NEK7: variants seen among roughly 807,000 people sequenced by gnomAD.
NEK7 encodes the protein serine/threonine-protein kinase Nek7.
A neutral mutation model predicts 44.6 loss-of-function variants in NEK7; 18 were observed. The observed-to-expected ratio is 0.40, with a 90% CI of 0.28 to 0.60. The LOEUF (loss-of-function observed/expected upper bound fraction) is 0.60, where lower values mean the gene tolerates loss of function less well. Ranked by LOEUF, NEK7 falls within the 20% of genes least tolerant of loss-of-function variation. NEK7 has a pLI of 0.38. For synonymous variants in NEK7, 130 were observed against 121.1 expected (o/e 1.07, Z -0.48); for missense variants, 256 against 366.5 (o/e 0.70, Z 2.46).
chr1:198,159,483 G>C lies in NEK7; in HGVS notation c.-29+2207G>C, dbSNP rs899025183. ...ATGTGACTGAGGCGGGTTTTACTCTGAAATTACCTGAAAATGAAAACCACT... is the reference window on the plus strand; with the variant it reads ...ATGTGACTGAGGCGGGTTTTACTCTCAAATTACCTGAAAATGAAAACCACT... On this transcript the variant is annotated intron_variant, in intron 1 of 9. Coordinates refer to ENST00000367385, the MANE Select transcript of NEK7 (RefSeq NM_133494.3). Among the ~76,000 whole-genome samples the C allele has an allele frequency of 5.1e-4, 77 of 152,300 alleles. 2 individuals are homozygous for C. The highest frequency in any genetic ancestry group is 4.7e-3 in the Admixed American group (72 of 15,304).
chr1:198,191,091 G>T (rs377076976), intron 1 of NEK7, among the ~76,000 whole-genome samples: 1 of 151,900 alleles, frequency 6.6e-6, no homozygotes, highest in South Asian at 2.1e-4. Flanking sequence ...ACACATCAAG[G>T]GGTCCTAGGC....
In NEK7 at chr1:198,319,621, A is replaced by G; in HGVS notation, c.*99A>G. The G allele has an allele frequency of 1.5e-6, 2 of 1,348,410 alleles. No individual in the cohort carries two copies. The highest frequency in any genetic ancestry group is 1.9e-6 in the Non-Finnish European group (2 of 1,038,798). The allele number at this position is 1,348,410 out of a possible 1,614,324, so 83.5% of individuals were successfully genotyped here. On this transcript the variant is annotated 3_prime_UTR_variant, in exon 10 of 10. Coordinates refer to ENST00000367385, the MANE Select transcript of NEK7 (RefSeq NM_133494.3). ...TCTGGTGTTAAGATTAATATTTCAG[A>G]GCTAGTGTGCTTTGAATCCTTAACC...
At position 198,222,094 on chromosome 1, in the gene NEK7, T is replaced by G. The variant is rs141974558; in HGVS notation, c.-28-10459T>G. ...TCTTAAAACTAAATGGTTCTGTCAT[T>G]TAATTAGCGCTTGTGTCTGATATTC... On this transcript the variant is annotated intron_variant, in intron 1 of 9. Coordinates refer to ENST00000367385, the MANE Select transcript of NEK7 (RefSeq NM_133494.3). Among the ~76,000 whole-genome samples the G allele has an allele frequency of 1.1e-3, 174 of 152,148 alleles. 1 individual carries two copies. Among genetic ancestry groups the G allele is most frequent in the Middle Eastern group, 6.8e-3 (2 of 294 alleles).
intron 3 of NEK7, 71 bp downstream of exon 3, chr1:198,253,251 C>A: frequency 9.7e-7 from 1 of 1,031,336 alleles, no homozygotes; most frequent in Non-Finnish European, 1.4e-6. Context: ...AAAAGTATAT[C>A]CTGAATGATT....
Position 198,210,727 on chromosome 1 carries a change from T to C in NEK7, c.-28-21826T>C, listed in dbSNP as rs1428569961. 2.7e-5 allele frequency among the ~76,000 whole-genome samples: 4 copies of C among 148,936 alleles called. No homozygotes were observed. In the East Asian group the frequency reaches 5.9e-4, roughly 22 times the overall value. On this transcript the variant is annotated intron_variant, in intron 1 of 9. Transcript: ENST00000367385. Reference sequence around the variant, plus strand: ...CAACTGTATTATATGTCATTGTCCCTTCAATTTGTATTTCTTTTTTTTTTT... The same window carrying C: ...CAACTGTATTATATGTCATTGTCCCCTCAATTTGTATTTCTTTTTTTTTTT...
intron 1 of NEK7, among the ~76,000 whole-genome samples, chr1:198,177,604 A>C (rs376290930): frequency 1.9e-4 from 29 of 152,254 alleles, no homozygotes; most frequent in African/African-American, 6.0e-4. Context: ...AGCAAGACTA[A>C]ATACTTGTTT....
At chr1:198,190,194 C>T (rs142408326) in intron 1 of NEK7, among the ~76,000 whole-genome samples, 53 of 152,096 alleles carry the variant, frequency 3.5e-4, no homozygotes, top group Admixed American at 1.6e-3. Context: ...CATCAAAATC[C>T]GCTATGAAAA....
intron 7 of NEK7, among the ~76,000 whole-genome samples, chr1:198,287,892 A>G (rs1654425237): frequency 6.6e-6 from 1 of 152,160 alleles, no homozygotes; most frequent in Non-Finnish European, 1.5e-5. Flanking sequence ...TGATTTTGTA[A>G]TATTGCCAGC....
intron 1 of NEK7, among the ~76,000 whole-genome samples, chr1:198,171,827 G>A (rs1247020123): frequency 6.6e-6 from 1 of 152,032 alleles, no homozygotes; most frequent in Non-Finnish European, 1.5e-5. Context: ...CCTTTGCCTG[G>A]TTAACTCCCA....
intron 9 of NEK7, among the ~76,000 whole-genome samples, chr1:198,302,204 A>G (rs572591859): frequency 5.3e-4 from 81 of 152,354 alleles, no homozygotes; most frequent in African/African-American, 1.9e-3. Context: ...TTAACCCATA[A>G]AATATCAACC....
At chr1:198,243,606 T>G (rs940961842) in intron 2 of NEK7, among the ~76,000 whole-genome samples, 5 of 152,206 alleles carry the variant, frequency 3.3e-5, no homozygotes, top group African/African-American at 1.2e-4. Flanking sequence ...ATTTAACTAA[T>G]GATAATTAAA....
At chr1:198,169,168 G>C (rs1450033256) in intron 1 of NEK7, among the ~76,000 whole-genome samples, 3 of 152,110 alleles carry the variant, frequency 2.0e-5, no homozygotes, top group Admixed American at 2.0e-4. Context: ...AATAGTTTAT[G>C]GATATAACTG....
intron 7 of NEK7, among the ~76,000 whole-genome samples, chr1:198,285,105 C>T (rs147979196): frequency 7.0e-4 from 107 of 151,986 alleles, no homozygotes; most frequent in East Asian, 4.2e-3. Flanking sequence ...TTCTTTTTTC[C>T]TTAGGACTTA....
intron 1 of NEK7, among the ~76,000 whole-genome samples, chr1:198,221,378 A>G (rs1037287875): frequency 3.3e-5 from 5 of 151,846 alleles, no homozygotes; most frequent in Non-Finnish European, 5.9e-5. Flanking sequence ...TTCATTAAGT[A>G]TATATAGAAT....
At chr1:198,228,884 GC>G (rs1421689716) in intron 1 of NEK7, among the ~76,000 whole-genome samples, 1 of 152,112 alleles carries the variant, frequency 6.6e-6, no homozygotes, top group Admixed American at 6.5e-5. Flanking sequence ...GATTGCCCTG[GC>G]CAGAACTTCT....
At chr1:198,249,509 A>G (rs1652836096) in intron 2 of NEK7, among the ~76,000 whole-genome samples, 1 of 152,100 alleles carries the variant, frequency 6.6e-6, no homozygotes, top group Non-Finnish European at 1.5e-5. Flanking sequence ...TCCCACCAAC[A>G]GTGTAAAAGT....
At chr1:198,319,329 A>G (rs1571628893) in intron 9 of NEK7, 83 bp from the exon 10 acceptor site, 1 of 778,162 alleles carries the variant, frequency 1.3e-6, no homozygotes, top group Non-Finnish European at 2.1e-6. Context: ...TAAAATCTAT[A>G]GCTATTCATA....
rs571623792 is a variant in NEK7, at chr1:198,211,942, G to A, written c.-28-20611G>A. On this transcript the variant is annotated intron_variant, in intron 1 of 9. Transcript: ENST00000367385. ...CAGACGGTGACACACACTCCCGCAG[G>A]GGAGCGGGACAATCCAGGCCATAGG... Among the ~76,000 whole-genome samples the A allele has an allele frequency of 2.0e-5, 3 of 152,370 alleles. No homozygotes were observed. The South Asian group carries it at 6.2e-4, about 32-fold the overall frequency.
At chr1:198,217,459 G>C (rs185007212) in intron 1 of NEK7, among the ~76,000 whole-genome samples, 258 of 152,056 alleles carry the variant, frequency 1.7e-3, no homozygotes, top group Middle Eastern at 6.8e-3. Context: ...AACCATATAT[G>C]ACAAACCCAC....
Sources: allele counts gnomAD v4.1 joint callset (sites outside exome capture counted in the v4.1 genomes callset), GRCh38; gene constraint gnomAD v4.1.1; transcripts MANE v1.5; gene names NCBI Gene and HGNC (gene_info 2026-07-23, HGNC 2026-07-21).